ZNF609: variants seen among roughly 807,000 people sequenced by gnomAD.
ZNF609 encodes zinc finger protein 609.
Under a neutral mutation model 109.5 loss-of-function variants are expected in ZNF609, and 11 were observed. The observed-to-expected ratio is 0.10, with a 90% CI of 0.06 to 0.17. The LOEUF is 0.17. Ranked by LOEUF, ZNF609 falls within the 10% of genes least tolerant of loss-of-function variation. The pLI is 1.00. For synonymous variants in ZNF609, 646 were observed against 662.0 expected (o/e 0.98, Z 0.37); for missense variants, 1,559 against 1,772.4 (o/e 0.88, Z 2.16).
intron 2 of ZNF609, among the ~76,000 whole-genome samples, chr15:64,541,569 C>A (rs1245874261): frequency 6.6e-6 from 1 of 151,088 alleles, no homozygotes; most frequent in Non-Finnish European, 1.5e-5. Context: ...CGCCGGGTGC[C>A]GTGGCTCATG....
chr15:64,680,906 T>C (rs1172288982), intron 8 of ZNF609, 44 bp downstream of exon 8: 12 of 1,597,386 alleles, frequency 7.5e-6, no homozygotes, highest in Non-Finnish European at 9.3e-6. Context: ...TCTTGTTTTG[T>C]TTTGTTTATC....
At position 64,675,474 on chromosome 15, in the gene ZNF609, G is replaced by C; in HGVS notation, c.2620G>C (p.Gly874Arg). The C allele has an allele frequency of 6.2e-7, 1 of 1,614,128 alleles. No homozygotes were observed. The highest frequency in any genetic ancestry group is 8.5e-7 in the Non-Finnish European group (1 of 1,180,030). Residue 874 changes from glycine to arginine, a missense_variant, in exon 5 of 10, where the codon GGG (glycine) becomes CGG (arginine). Transcript: ENST00000326648. ...SKDAEQLVKEGAKKTLFPPQP... is the reference protein window; with the variant it reads ...SKDAEQLVKERAKKTLFPPQP... Reference sequence around the variant, plus strand: ...GGACGCCGAACAGTTGGTTAAAGAAGGGGCTAAGAAAACTCTTTTTCCCCC... The same window carrying C: ...GGACGCCGAACAGTTGGTTAAAGAACGGGCTAAGAAAACTCTTTTTCCCCC...
At chr15:64,627,580 C>T (rs1265623685) in intron 3 of ZNF609, among the ~76,000 whole-genome samples, 1 of 151,490 alleles carries the variant, frequency 6.6e-6, no homozygotes, top group Non-Finnish European at 1.5e-5. Flanking sequence ...CCTTAATTTT[C>T]TGGGCCTTAG....
intron 2 of ZNF609, among the ~76,000 whole-genome samples, chr15:64,543,078 G>A (rs1894294837): frequency 6.6e-6 from 1 of 152,040 alleles, no homozygotes; most frequent in South Asian, 2.1e-4. Context: ...GTTGATAGGT[G>A]CAGCAAACCA....
chr15:64,575,828 C>T (rs1273393140), intron 2 of ZNF609, among the ~76,000 whole-genome samples: 1 of 152,096 alleles, frequency 6.6e-6, no homozygotes, highest in Non-Finnish European at 1.5e-5. Context: ...CTTGGCCGGG[C>T]AAGGTGGCTC....
rs149331541 is a variant in ZNF609 at position 64,558,967 on chromosome 15, C to A, written c.747+58801C>A. Among the ~76,000 whole-genome samples, 688 of 150,402 alleles carry A rather than the reference C, an allele frequency of 4.6e-3. 5 individuals are homozygous for A. Among genetic ancestry groups the A allele is most frequent in the African/African-American group, 0.016 (640 of 40,972 alleles). On this transcript the variant is annotated intron_variant, in intron 2 of 9. Transcript: ENST00000326648. ...CTTGACCCAAGAAGTTATGATTTTT[C>A]TCACTGTTTCACTCTATCTCCCAGT...
intron 2 of ZNF609, among the ~76,000 whole-genome samples, chr15:64,542,615 C>T (rs1411366872): frequency 6.6e-6 from 1 of 152,168 alleles, no homozygotes; most frequent in Non-Finnish European, 1.5e-5. Context: ...TAGTGATATT[C>T]CGTATCTTGC....
intron 2 of ZNF609, among the ~76,000 whole-genome samples, chr15:64,563,367 A>G (rs1894713516): frequency 6.7e-6 from 1 of 148,720 alleles, no homozygotes; most frequent in Non-Finnish European, 1.5e-5. Flanking sequence ...GGGAGGATTG[A>G]TGGAACCCAG....
chr15:64,479,841 C>A (rs1893227354), intron 1 of ZNF609, among the ~76,000 whole-genome samples: 1 of 151,626 alleles, frequency 6.6e-6, no homozygotes, highest in Non-Finnish European at 1.5e-5. Context: ...ATGGCTTGAA[C>A]CCGGGAGGCA....
At chr15:64,497,194 C>T (rs1893493798) in intron 1 of ZNF609, among the ~76,000 whole-genome samples, 1 of 152,124 alleles carries the variant, frequency 6.6e-6, no homozygotes, top group Non-Finnish European at 1.5e-5. Context: ...TCATATCATC[C>T]ACCCCCACTT....
At chr15:64,584,928 C>T (rs1205747060) in intron 2 of ZNF609, among the ~76,000 whole-genome samples, 1 of 149,440 alleles carries the variant, frequency 6.7e-6, no homozygotes, top group Non-Finnish European at 1.5e-5. Context: ...CGCCTGCCTG[C>T]TATTTTTAAA....
At chr15:64,666,311 T>C (rs188348245) in intron 3 of ZNF609, among the ~76,000 whole-genome samples, 8 of 152,102 alleles carry the variant, frequency 5.3e-5, no homozygotes, top group Admixed American at 3.9e-4. Flanking sequence ...CAAGAATTGC[T>C]TGAACCTGGG....
Position 64,682,278 on chromosome 15 carries a change from A to G in ZNF609, c.*592A>G, listed in dbSNP as rs189172080. 6.5e-5 allele frequency: 10 copies of G among 152,798 alleles called. No homozygotes were observed. Among genetic ancestry groups the G allele is most frequent in the African/African-American group, 2.4e-4 (10 of 41,590 alleles). The allele number at this position is 152,798 out of a possible 1,614,324, so 9.5% of individuals were successfully genotyped here. ...CATAATTGTGAAAACAAGGTCTTCA[A>G]ATGTGGAGACTTCTCCCCATTTACA... On this transcript the variant is annotated 3_prime_UTR_variant, in exon 10 of 10. Transcript: ENST00000326648.
chr15:64,565,224 T>A (rs1894756904), intron 2 of ZNF609, among the ~76,000 whole-genome samples: 2 of 138,664 alleles, frequency 1.4e-5, no homozygotes, highest in Non-Finnish European at 3.1e-5. Context: ...CATGCCTGGC[T>A]AATTTTTGTA....
At chr15:64,529,821 C>G in intron 2 of ZNF609, 1 of 440,058 alleles carries the variant, frequency 2.3e-6, no homozygotes, top group Non-Finnish European at 4.3e-6. Context: ...ACCTCTGCCT[C>G]CTGGGTTTGA....
chr15:64,607,823 C>T (rs1895630106), intron 2 of ZNF609, among the ~76,000 whole-genome samples: 1 of 8,884 alleles, frequency 1.1e-4, no homozygotes, highest in Non-Finnish European at 4.0e-4. Context: ...TTTCTTCTTT[C>T]TTTCTTTCTT....
intron 2 of ZNF609, among the ~76,000 whole-genome samples, chr15:64,561,546 CT>C (rs923856577): frequency 3.5e-5 from 5 of 142,310 alleles, no homozygotes; most frequent in African/African-American, 1.3e-4. Flanking sequence ...CTTTTCTTTT[CT>C]TTTTCTTTTT....
At position 64,624,916 on chromosome 15, in the gene ZNF609, C is replaced by T. The variant is rs1895930164; in HGVS notation, c.973+1864C>T. On this transcript the variant is annotated intron_variant, in intron 3 of 9. Transcript: ENST00000326648. The stretch of plus-strand genomic sequence containing the variant: ...TGGGGACTACAGGCACATACCACCA[C>T]GCCTGGTCCATTTTTGTATTTTTAG... Among the ~76,000 whole-genome samples the T allele has an allele frequency of 2.6e-5, 4 of 151,952 alleles. No homozygotes were observed. In the South Asian group the frequency reaches 8.3e-4, roughly 32 times the overall value.
At chr15:64,664,185 A>G (rs11632345) in intron 3 of ZNF609, among the ~76,000 whole-genome samples, 2,141 of 152,106 alleles carry the variant, frequency 0.014, 35 homozygotes, top group Non-Finnish European at 0.023. Flanking sequence ...CCGAGATTGC[A>G]CCACTGCACT....
Sources: allele counts gnomAD v4.1 joint callset (sites outside exome capture counted in the v4.1 genomes callset), GRCh38; gene constraint gnomAD v4.1.1; transcripts MANE v1.5; gene names NCBI Gene and HGNC (gene_info 2026-07-23, HGNC 2026-07-21).